The following DNAJC13 variants were observed in gnomAD, a reference collection of about 807,000 sequenced individuals.
DNAJC13 encodes the protein dnaJ homolog subfamily C member 13.
DNAJC13 carries 75 observed loss-of-function variants against 290.5 expected under a neutral mutation model. That is an observed-to-expected ratio of 0.26 (90% CI 0.21 to 0.31). DNAJC13 has a LOEUF of 0.31. Among genes scored for constraint, DNAJC13 ranks in the 10% least tolerant of loss-of-function variants. The pLI is 1.00. For synonymous variants in DNAJC13, 862 were observed against 892.0 expected (o/e 0.97, Z 0.60); for missense variants, 2,260 against 2,674.5 (o/e 0.85, Z 3.42).
intron 14 of DNAJC13, among the ~76,000 whole-genome samples, chr3:132,460,671 A>G (rs1186377316): frequency 6.6e-6 from 1 of 152,206 alleles, no homozygotes; most frequent in Non-Finnish European, 1.5e-5. Flanking sequence ...TTTGTTCCTC[A>G]GTCCCTGATA....
intron 55 of DNAJC13, among the ~76,000 whole-genome samples, chr3:132,532,370 C>G (rs1393610832): frequency 2.0e-5 from 3 of 152,196 alleles, no homozygotes; most frequent in African/African-American, 7.2e-5. Context: ...TTCACCATAA[C>G]CACTTTAATA....
chr3:132,452,438 T>C (rs1933446367), intron 6 of DNAJC13, among the ~76,000 whole-genome samples: 1 of 152,196 alleles, frequency 6.6e-6, no homozygotes, highest in Non-Finnish European at 1.5e-5. Flanking sequence ...TGTGATCCAG[T>C]GTTTCTCAGC....
At chr3:132,456,077 T>TTAGA (rs1020528253) in intron 9 of DNAJC13, among the ~76,000 whole-genome samples, 158 bp from the exon 10 acceptor site, 2 of 152,204 alleles carry the variant, frequency 1.3e-5, no homozygotes, top group South Asian at 2.1e-4. Context: ...AGAGCTAGTA[T>TTAGA]TAGAGCTCTT....
rs1358963036 is a variant in DNAJC13 at position 132,523,014 on chromosome 3, G to A, written c.5843+17G>A. ...GATGCTAGAGTAAGTAAAAACAAAGGTAATAATTTATAGCCTTTAAATAAA... is the reference window on the plus strand; with the variant it reads ...GATGCTAGAGTAAGTAAAAACAAAGATAATAATTTATAGCCTTTAAATAAA... On this transcript the variant is annotated intron_variant, in intron 49 of 55. Transcript: ENST00000260818. The A allele has an allele frequency of 2.5e-6, 4 of 1,605,722 alleles. No individual in the cohort carries two copies. Among genetic ancestry groups the A allele is most frequent in the Admixed American group, 1.7e-5 (1 of 58,494 alleles).
intron 1 of DNAJC13, among the ~76,000 whole-genome samples, chr3:132,422,734 A>G (rs932736309): frequency 1.3e-5 from 2 of 152,234 alleles, no homozygotes; most frequent in Non-Finnish European, 2.9e-5. Context: ...TGGTTCAGTC[A>G]ATAAAACCAT....
Position 132,457,297 on chromosome 3 carries a change from G to A in DNAJC13, c.1378G>A (p.Val460Ile), listed in dbSNP as rs1305331474. 1 of 1,613,112 alleles carries A rather than the reference G, an allele frequency of 6.2e-7. No individual in the cohort carries two copies. The highest frequency in any genetic ancestry group is 8.5e-7 in the Non-Finnish European group (1 of 1,179,594). The change falls in exon 13 of 56, where the codon GTA becomes ATA. Residue 460 changes from valine to isoleucine, a missense_variant. By Grantham distance (29) the Val-to-Ile change is conservative (BLOSUM62 3). Transcript: ENST00000260818. ...KFRERLGVKV[V>I]KALKRSNNGI... ...TCGCGAGCGTCTAGGGGTGAAGGTA[G>A]TAAAAGCACTCAAAAGAAGCAACAA...
In DNAJC13 at chr3:132,482,394, C is replaced by G. The variant is rs574479653; in HGVS notation, c.2979+64C>G. On this transcript the variant is annotated intron_variant, in intron 27 of 55. Transcript: ENST00000260818. ...ATTTCTTATGCCCTCCTGCTTAGCA[C>G]TTACAGAGGCGTGGAATGTTTTAAA... 12 of 1,269,210 alleles carry G rather than the reference C, an allele frequency of 9.5e-6. No individual in the cohort carries two copies. The South Asian group carries it at 1.1e-4, about 12-fold the overall frequency. 78.6% of individuals were successfully genotyped at this position (1,269,210 alleles called of 1,614,324 possible). A position where few individuals can be genotyped will look rare whatever the true frequency, so the allele number is the denominator to read the frequency against.
chr3:132,505,465 T>C, intron 42 of DNAJC13, 50 bp downstream of exon 42: 1 of 1,221,562 alleles, frequency 8.2e-7, no homozygotes, highest in Non-Finnish European at 1.2e-6. Flanking sequence ...TGATGGAATC[T>C]CTGGAAGTAC....
intron 28 of DNAJC13, among the ~76,000 whole-genome samples, chr3:132,484,093 A>T (rs916748766): frequency 4.6e-5 from 7 of 152,232 alleles, no homozygotes; most frequent in Non-Finnish European, 1.0e-4. Flanking sequence ...ATATCTTGTG[A>T]TGGAAATTAC....
intron 41 of DNAJC13, among the ~76,000 whole-genome samples, chr3:132,503,680 A>G (rs1364980823): frequency 6.6e-6 from 1 of 152,206 alleles, no homozygotes; most frequent in African/African-American, 2.4e-5. Context: ...GTGTTTCACA[A>G]TGGCAGACTA....
At chr3:132,490,794 G>A (rs1935037471) in intron 31 of DNAJC13, 103 bp from the exon 32 acceptor site, 1 of 1,182,340 alleles carries the variant, frequency 8.5e-7, no homozygotes, top group Admixed American at 3.2e-5. Context: ...TGTTCCAATT[G>A]TGTTCTTTTC....
At chr3:132,423,107 C>G (rs768758670) in intron 1 of DNAJC13, among the ~76,000 whole-genome samples, 8 of 152,112 alleles carry the variant, frequency 5.3e-5, no homozygotes, top group Non-Finnish European at 1.2e-4. Flanking sequence ...GAGCTCCAAC[C>G]TAGCTTGAGC....
intron 32 of DNAJC13, 122 bp from the exon 33 acceptor site, chr3:132,492,287 CATTTT>C: frequency 4.7e-6 from 5 of 1,058,148 alleles, no homozygotes; most frequent in Non-Finnish European, 5.5e-6. Context: ...TAAAAGCTCT[CATTTT>C]AGGATAATCA....
rs1935354923 is a variant in DNAJC13 at position 132,499,807 on chromosome 3, A to C, written c.4415A>C (p.Gln1472Pro). 3 of 1,613,346 alleles carry C rather than the reference A, an allele frequency of 1.9e-6. No individual in the cohort carries two copies. The highest frequency in any genetic ancestry group is 1.3e-5 in the African/African-American group (1 of 74,840). ...RASKPSDMSVQVCGYISKCYS... is the reference protein window; with the variant it reads ...RASKPSDMSVPVCGYISKCYS... ...AGTAAACCAAGTGACATGTCAGTAC[A>C]GGTGAGGCTAAAACCTGTGGTTCCA... is the stretch of plus-strand genomic sequence containing the variant. Residue 1472 changes from glutamine to proline, a missense_variant and splice_region_variant, in exon 38 of 56, where the codon CAG becomes CCG. Around this residue, in one of 3 missense-constraint regions of DNAJC13, gnomAD observed 1,494 missense variants for 1,693.7 expected, o/e 0.88. Transcript: ENST00000260818.
rs753604598 is a variant in DNAJC13, at chr3:132,453,284, C to G, written c.538-14C>G. 14 of 1,609,002 alleles carry G rather than the reference C, an allele frequency of 8.7e-6. No individual in the cohort carries two copies. Among genetic ancestry groups the G allele is most frequent in the Non-Finnish European group, 1.1e-5 (13 of 1,177,712 alleles). ...GTTTCAACTCTGACTTTTTAAATTT[C>G]TAAATTTGTGCAGCATTTATTTGCG... On this transcript the variant is annotated splice_polypyrimidine_tract_variant and intron_variant, in intron 6 of 55. Transcript: ENST00000260818.
At chr3:132,462,582 GA>G in intron 16 of DNAJC13, 59 bp downstream of exon 16, 1 of 1,254,950 alleles carries the variant, frequency 8.0e-7, no homozygotes, top group Non-Finnish European at 1.1e-6. Flanking sequence ...TGTTTTAATT[GA>G]AGTTGACAAT....
At chr3:132,523,079 C>T in intron 49 of DNAJC13, 78 bp from the exon 50 acceptor site, 2 of 1,605,564 alleles carry the variant, frequency 1.2e-6, no homozygotes, top group Non-Finnish European at 1.7e-6. Flanking sequence ...GTGCCCATCA[C>T]CTCTAAAACT....
chr3:132,446,433 T>G, intron 2 of DNAJC13, 42 bp from the exon 3 acceptor site: 1 of 1,419,044 alleles, frequency 7.0e-7, no homozygotes, highest in Non-Finnish European at 9.8e-7. Context: ...TAAAATATCT[T>G]TTTGTTTAAA....
chr3:132,450,861 T>TAAA lies in DNAJC13; in HGVS notation c.537+24_537+26dup, dbSNP rs34198565. The TAAA allele has an allele frequency of 3.0e-5, 34 of 1,133,792 alleles. No individual in the cohort carries two copies. The highest frequency in any genetic ancestry group is 1.4e-4 in the South Asian group (8 of 58,438). 70.2% of individuals were successfully genotyped at this position (1,133,792 alleles called of 1,614,324 possible). A position where few individuals can be genotyped will look rare whatever the true frequency, so the allele number is the denominator to read the frequency against. ...TTTAGTAGATTGGTAAGTACTATTT[T>TAAA]AAAAAAAAAAAACACTTTAAAAGGG... On this transcript the variant is annotated intron_variant, in intron 6 of 55. Transcript: ENST00000260818.
Sources: gnomAD v4.1 joint callset for allele counts (sites outside exome capture counted in the v4.1 genomes callset) on GRCh38, gnomAD v4.1.1 for gene constraint, gnomAD v4.1.1 regional missense constraint, MANE v1.5 for transcripts, NCBI Gene and HGNC (gene_info 2026-07-23, HGNC 2026-07-21) for gene names.